Variants in AGTPBP1 observed in about 807,000 individuals in gnomAD.
AGTPBP1 encodes cytosolic carboxypeptidase 1.
Under a neutral mutation model 143.9 loss-of-function variants are expected in AGTPBP1, and 70 were observed. That is an observed-to-expected ratio of 0.49 (90% CI 0.40 to 0.59). The LOEUF is 0.59. Among genes scored for constraint, AGTPBP1 ranks in the 20% least tolerant of loss-of-function variants. The probability of loss-of-function intolerance (pLI) is 0.00; values close to 1 mark genes in which losing one functional copy is unlikely to be tolerated. For missense variants in AGTPBP1, 1,229 were observed against 1,464.5 expected, an observed-to-expected ratio of 0.84 and a Z score of 2.62; for synonymous variants, 463 against 500.2, an observed-to-expected ratio of 0.93 and a Z score of 0.99.
At chr9:85,645,392 A>G (rs1377882335) in intron 12 of AGTPBP1, among the ~76,000 whole-genome samples, 1 of 152,148 alleles carries the variant, frequency 6.6e-6, no homozygotes, top group Non-Finnish European at 1.5e-5. Flanking sequence ...AAGGAGACTA[A>G]AGAGACAAGA....
intron 24 of AGTPBP1, among the ~76,000 whole-genome samples, chr9:85,578,350 C>A (rs1047337889): frequency 6.6e-6 from 1 of 152,156 alleles, no homozygotes; most frequent in Non-Finnish European, 1.5e-5. Flanking sequence ...GTGGCTCATG[C>A]CTGTAATCCC....
At chr9:85,757,973 TGG>T in the AGTPBP1 span, among the ~76,000 whole-genome samples, 1 of 152,204 alleles carries the variant, frequency 6.6e-6, no homozygotes, top group South Asian at 2.1e-4. Context: ...AATCTCTACT[TGG>T]ATCTAAGAAT....
intron 14 of AGTPBP1, among the ~76,000 whole-genome samples, chr9:85,623,354 T>C (rs2133580554): frequency 6.6e-6 from 1 of 152,278 alleles, no homozygotes; most frequent in South Asian, 2.1e-4. Flanking sequence ...TATATACCTG[T>C]TTGTATACCT....
At chr9:85,586,199 C>G (rs1314014024) in intron 22 of AGTPBP1, among the ~76,000 whole-genome samples, 1 of 148,964 alleles carries the variant, frequency 6.7e-6, no homozygotes, top group East Asian at 1.9e-4. Flanking sequence ...GAGCAAAACT[C>G]CATCTCGAAA....
chr9:85,801,508 C>T, the AGTPBP1 span, among the ~76,000 whole-genome samples: 1 of 151,920 alleles, frequency 6.6e-6, no homozygotes, highest in Non-Finnish European at 1.5e-5. Flanking sequence ...GCAGAGCTAG[C>T]ATCTGTAGAT....
At chr9:85,576,273 T>C (rs1291099547) in intron 24 of AGTPBP1, among the ~76,000 whole-genome samples, 2 of 152,166 alleles carry the variant, frequency 1.3e-5, no homozygotes, top group Non-Finnish European at 2.9e-5. Flanking sequence ...CCTATATAAG[T>C]TGTAGGTGTA....
chr9:85,609,297 T>C (rs1056311541), intron 17 of AGTPBP1, among the ~76,000 whole-genome samples: 5 of 151,628 alleles, frequency 3.3e-5, no homozygotes, highest in African/African-American at 1.2e-4. Flanking sequence ...GATCTTTTTT[T>C]TTTTTTTTTT....
intron 1 of AGTPBP1, among the ~76,000 whole-genome samples, chr9:85,728,076 C>CAT (rs60009784): frequency 0.015 from 2,104 of 144,174 alleles, 55 homozygotes; most frequent in African/African-American, 0.038. Context: ...CACACACACA[C>CAT]ATATTTACTT....
At chr9:85,605,217 AG>A (rs1829920260) in intron 17 of AGTPBP1, among the ~76,000 whole-genome samples, 1 of 152,178 alleles carries the variant, frequency 6.6e-6, no homozygotes, top group African/African-American at 2.4e-5. Flanking sequence ...TCAAGGATAA[AG>A]AAAGGATCCT....
intron 6 of AGTPBP1, among the ~76,000 whole-genome samples, chr9:85,677,186 T>C (rs911434726): frequency 2.0e-5 from 3 of 152,140 alleles, no homozygotes; most frequent in Non-Finnish European, 2.9e-5. Context: ...AGAGAAGATA[T>C]GGAATGATCC....
chr9:85,622,374 G>C (rs1347379921), intron 14 of AGTPBP1, among the ~76,000 whole-genome samples: 1 of 152,004 alleles, frequency 6.6e-6, no homozygotes, highest in African/African-American at 2.4e-5. Context: ...ATGATAAAAG[G>C]ATATTAACTC....
At chr9:85,631,172 T>A (rs7341822) in intron 14 of AGTPBP1, among the ~76,000 whole-genome samples, 5,342 of 152,262 alleles carry the variant, frequency 0.035, 335 homozygotes, top group African/African-American at 0.12. Context: ...GTGGTAAGAC[T>A]GCACCCACTT....
chr9:85,737,970 A>T (rs1823917338), intron 1 of AGTPBP1, among the ~76,000 whole-genome samples: 1 of 152,232 alleles, frequency 6.6e-6, no homozygotes, highest in Admixed American at 6.5e-5. Flanking sequence ...GCAGGAGCAG[A>T]TATGATAATC....
At chr9:85,552,064 C>T (rs1290206156) in intron 25 of AGTPBP1, among the ~76,000 whole-genome samples, 1 of 152,168 alleles carries the variant, frequency 6.6e-6, no homozygotes, top group African/African-American at 2.4e-5. Context: ...TATCCTTCTA[C>T]TCTGAATAGA....
chr9:85,718,769 A>T (rs1837894895), intron 1 of AGTPBP1, among the ~76,000 whole-genome samples: 1 of 152,014 alleles, frequency 6.6e-6, no homozygotes. Flanking sequence ...AATGGTATTG[A>T]CTAGGTTTTC....
chr9:85,561,897 G>A (rs564913465), intron 25 of AGTPBP1, among the ~76,000 whole-genome samples: 48 of 149,412 alleles, frequency 3.2e-4, no homozygotes, highest in African/African-American at 1.2e-3. Context: ...CAGTGGCACA[G>A]TCTCGGCTCA....
chr9:85,708,125 A>C (rs976838742), intron 2 of AGTPBP1, among the ~76,000 whole-genome samples: 1 of 152,186 alleles, frequency 6.6e-6, no homozygotes, highest in African/African-American at 2.4e-5. Context: ...TCTGAGGGAG[A>C]ATCCATTTCC....
intron 2 of AGTPBP1, among the ~76,000 whole-genome samples, chr9:85,709,433 T>C (rs1004556277): frequency 2.0e-5 from 3 of 152,180 alleles, no homozygotes; most frequent in Non-Finnish European, 1.5e-5. Context: ...ACTGTCACCA[T>C]TTTTTTAGTG....
intron 14 of AGTPBP1, among the ~76,000 whole-genome samples, chr9:85,630,978 T>C (rs536125652): frequency 6.6e-6 from 1 of 152,324 alleles, no homozygotes; most frequent in African/African-American, 2.4e-5. Flanking sequence ...ATCACTGGAT[T>C]GCCTATGTTC....
Sources: allele counts gnomAD v4.1 joint callset (sites outside exome capture counted in the v4.1 genomes callset), GRCh38; gene constraint gnomAD v4.1.1; transcripts MANE v1.5; gene names NCBI Gene and HGNC (gene_info 2026-07-23, HGNC 2026-07-21).